Variants in NBEAL2 observed in about 807,000 individuals in gnomAD.
NBEAL2 encodes neurobeachin like 2.
NBEAL2 carries 160 observed loss-of-function variants against 299.8 expected under a neutral mutation model. The observed-to-expected ratio is 0.53, with a 90% CI of 0.47 to 0.61. NBEAL2 has a LOEUF of 0.61. Ranked by LOEUF, NBEAL2 falls within the 20% of genes least tolerant of loss-of-function variation. The pLI, the probability that NBEAL2 is intolerant of heterozygous loss-of-function variation, is 0.00. For missense variants in NBEAL2, 3,112 were observed against 3,649.0 expected, an observed-to-expected ratio of 0.85 and a Z score of 3.79; for synonymous variants, 1,493 against 1,542.3, an observed-to-expected ratio of 0.97 and a Z score of 0.75.
chr3:47,008,733 C>T (rs2107462333), intron 52 of NBEAL2, 65 bp downstream of exon 52: 1 of 1,594,320 alleles, frequency 6.3e-7, no homozygotes, highest in East Asian at 2.2e-5. Flanking sequence ...GGATAAAGGC[C>T]CTAGGAACCC....
intron 50 of NBEAL2, 23 bp from the exon 51 acceptor site, chr3:47,008,260 G>A: frequency 6.2e-7 from 1 of 1,613,082 alleles, no homozygotes. Context: ...TCCTGCCCAG[G>A]ACCCTAAGTT....
chr3:47,001,847 G>C lies in NBEAL2; in HGVS notation c.4782+21G>C, dbSNP rs1444740157. On this transcript the variant is annotated intron_variant, in intron 30 of 53. Coordinates refer to ENST00000450053, the MANE Select transcript of NBEAL2 (RefSeq NM_015175.3). This position sits in a 1 kb window ranked among gnomAD's most constrained non-coding sequence, Gnocchi z 6.1. ...CACAGGTGAGCACAGGGTGAGCATG[G>C]GGGCAGGGGGCGTGTGAGATGTCGG... The C allele has an allele frequency of 1.2e-6, 2 of 1,612,358 alleles. No individual in the cohort carries two copies. Among genetic ancestry groups the C allele is most frequent in the Non-Finnish European group, 1.7e-6 (2 of 1,178,882 alleles).
intron 25 of NBEAL2, 24 bp downstream of exon 25, chr3:46,999,498 G>A: frequency 6.3e-7 from 1 of 1,581,166 alleles, no homozygotes; most frequent in Middle Eastern, 1.7e-4. Flanking sequence ...AAGGCCAAGT[G>A]GAGGGGGTGA....
Position 46,991,422 on chromosome 3 carries a change from C to T in NBEAL2, c.659C>T (p.Ala220Val), listed in dbSNP as rs763044738. 3.1e-6 allele frequency: 5 copies of T among 1,606,990 alleles called. No individual in the cohort carries two copies. Among genetic ancestry groups the T allele is most frequent in the Non-Finnish European group, 4.3e-6 (5 of 1,175,764 alleles). Residue 220 changes from alanine (A) to valine (V), a missense_variant, in exon 8 of 54, where the codon GCT (alanine) becomes GTT (valine). By Grantham distance (64) the Ala-to-Val change is moderately conservative (BLOSUM62 0). Coordinates refer to ENST00000450053, the MANE Select transcript of NBEAL2 (RefSeq NM_015175.3). This position sits in a 1 kb window ranked among gnomAD's most constrained non-coding sequence, Gnocchi z 6.2. ...CACCTGCAGGAGAACGGGCAGATGG[C>T]TGTAAGTGATGGCTCTGTGAAGGGC... ...LAGGKENGQMAVSDGSVKGLL... is the reference protein window; with the variant it reads ...LAGGKENGQMVVSDGSVKGLL...
chr3:47,003,933 A>T lies in NBEAL2; in HGVS notation c.5838A>T (p.Val1946=). 6.2e-7 allele frequency: 1 copy of T among 1,613,702 alleles called. No individual in the cohort carries two copies. The highest frequency in any genetic ancestry group is 8.5e-7 in the Non-Finnish European group (1 of 1,179,750). ...PGLLEVTTQN[V]YFYDGSTERV... Reference sequence around the variant, plus strand: ...TGCTGGAGGTCACCACACAGAATGTATACTTCTACGATGGCAGCACTGAGC... The same window carrying T: ...TGCTGGAGGTCACCACACAGAATGTTTACTTCTACGATGGCAGCACTGAGC... The change falls in exon 36 of 54, where the codon GTA becomes GTT. Residue 1946 remains valine, a synonymous_variant. Transcript: ENST00000450053. The surrounding 1 kb of genome is among the most constrained non-coding windows in gnomAD (Gnocchi z 7.0).
Position 46,992,466 on chromosome 3 carries a change from TC to T in NBEAL2, c.1033-5del. 2 of 1,603,086 alleles carry T rather than the reference TC, an allele frequency of 1.2e-6. No homozygotes were observed. Among genetic ancestry groups the T allele is most frequent in the Non-Finnish European group, 1.7e-6 (2 of 1,175,282 alleles). ...CTCCTCCACCCTGTGCCTCCCCACTTCCCCACAGCTGTACCTGCAGTCCCGG... is the reference window on the plus strand; with the variant it reads ...CTCCTCCACCCTGTGCCTCCCCACTTCCCACAGCTGTACCTGCAGTCCCGG... On this transcript the variant is annotated splice_region_variant and splice_polypyrimidine_tract_variant and intron_variant, in intron 9 of 53. Coordinates refer to ENST00000450053, the MANE Select transcript of NBEAL2 (RefSeq NM_015175.3).
chr3:46,994,870 C>T (rs2036365888), intron 12 of NBEAL2, among the ~76,000 whole-genome samples, 162 bp from the exon 13 acceptor site: 1 of 152,256 alleles, frequency 6.6e-6, no homozygotes, highest in African/African-American at 2.4e-5. Context: ...TGACTGTCAT[C>T]TGTGCCCCTC....
intron 1 of NBEAL2, among the ~76,000 whole-genome samples, chr3:46,981,301 G>A (rs1359907374): frequency 6.6e-6 from 1 of 152,156 alleles, no homozygotes; most frequent in East Asian, 1.9e-4. Flanking sequence ...AATTAGCCGG[G>A]CGTGGTGGGG....
At chr3:46,987,592 G>T (rs2035754065) in intron 1 of NBEAL2, among the ~76,000 whole-genome samples, 1 of 152,220 alleles carries the variant, frequency 6.6e-6, no homozygotes, top group African/African-American at 2.4e-5. Context: ...ATGGCGGGCG[G>T]CGGGGCGGGA....
At chr3:46,996,909 C>T (rs778735703) in intron 17 of NBEAL2, 45 bp from the exon 18 acceptor site, 7 of 1,609,562 alleles carry the variant, frequency 4.3e-6, no homozygotes, top group Non-Finnish European at 5.9e-6. Context: ...CTGCCACCCC[C>T]TCCTCCCTCT....
At chr3:47,006,936 C>A (rs189360313) in intron 45 of NBEAL2, 130 bp from the exon 46 acceptor site, 5 of 722,232 alleles carry the variant, frequency 6.9e-6, no homozygotes, top group East Asian at 2.7e-5. Flanking sequence ...TTGGAGGGAA[C>A]CTCTGCATCT....
intron 22 of NBEAL2, 61 bp from the exon 23 acceptor site, chr3:46,998,656 G>C (rs977619444): frequency 5.8e-6 from 9 of 1,553,900 alleles, no homozygotes; most frequent in Non-Finnish European, 6.1e-6. Context: ...TGACTCACCT[G>C]CCCACCCTCT....
Position 46,997,714 on chromosome 3 carries a change from G to A in NBEAL2, c.2958+20G>A, listed in dbSNP as rs761013434. ...CGAAAGGTGGGGCCCGGTGGGACAGGCATGGGGGTTAGGGGTATGGTCAGC... is the reference window on the plus strand; with the variant it reads ...CGAAAGGTGGGGCCCGGTGGGACAGACATGGGGGTTAGGGGTATGGTCAGC... On this transcript the variant is annotated intron_variant, in intron 20 of 53. Coordinates refer to ENST00000450053, the MANE Select transcript of NBEAL2 (RefSeq NM_015175.3). 1 of 1,489,814 alleles carries A rather than the reference G, an allele frequency of 6.7e-7. No individual in the cohort carries two copies. The highest frequency in any genetic ancestry group is 2.4e-5 in the Admixed American group (1 of 41,812). 92.3% of individuals were successfully genotyped at this position (1,489,814 alleles called of 1,614,324 possible).
intron 23 of NBEAL2, 32 bp from the exon 24 acceptor site, chr3:46,998,927 G>A (rs1159356435): frequency 6.3e-7 from 1 of 1,598,968 alleles, no homozygotes; most frequent in South Asian, 1.1e-5. Flanking sequence ...GGGAGTGGGG[G>A]CCCGACACAG....
intron 24 of NBEAL2, 74 bp from the exon 25 acceptor site, chr3:46,999,241 C>T: frequency 6.4e-7 from 1 of 1,553,280 alleles, no homozygotes; most frequent in Non-Finnish European, 8.7e-7. Flanking sequence ...TTGAGCCACA[C>T]ACCTGCACGG....
In NBEAL2 at chr3:46,982,674, A is replaced by G. The variant is rs1035860451; in HGVS notation, c.51+2762A>G. Among the ~76,000 whole-genome samples, 2 of 152,332 alleles carry G rather than the reference A, an allele frequency of 1.3e-5. No homozygotes were observed. The highest frequency in any genetic ancestry group is 1.3e-4 in the Admixed American group (2 of 15,310). On this transcript the variant is annotated intron_variant, in intron 1 of 53. Transcript: ENST00000450053. This position sits in a 1 kb window ranked among gnomAD's most constrained non-coding sequence, Gnocchi z 4.2. ...TGACTGGATAGAGGAGGTGGGTCCC[A>G]TGGCAGTGACCAGTCAGGAAGTCAC...
chr3:47,000,804 C>A lies in NBEAL2; in HGVS notation c.4306-197C>A, dbSNP rs2107391780. On this transcript the variant is annotated intron_variant, in intron 27 of 53. Transcript: ENST00000450053. This position sits in a 1 kb window ranked among gnomAD's most constrained non-coding sequence, Gnocchi z 4.5. ...AGTCTGGCAAGACCCCAGGATTCTG[C>A]CTGGAACTCAGGTAGTAGTTGAGAC... 1.2e-6 allele frequency: 1 copy of A among 801,226 alleles called. No individual in the cohort carries two copies. The highest frequency in any genetic ancestry group is 1.9e-6 in the Non-Finnish European group (1 of 517,184). 49.6% of individuals were successfully genotyped at this position (801,226 alleles called of 1,614,324 possible). A position where few individuals can be genotyped will look rare whatever the true frequency, so the allele number is the denominator to read the frequency against.
intron 31 of NBEAL2, 23 bp downstream of exon 31, chr3:47,002,311 G>A: frequency 1.3e-6 from 2 of 1,591,864 alleles, no homozygotes; most frequent in Admixed American, 1.7e-5. Flanking sequence ...TGGGGCCCAG[G>A]AAGAGGAGTG....
chr3:46,981,965 G>A (rs1434339136), intron 1 of NBEAL2: 2 of 152,342 alleles, frequency 1.3e-5, no homozygotes, highest in Non-Finnish European at 2.9e-5. Flanking sequence ...AGGCTGGCAG[G>A]TTGTAGCTTT....
Sources: allele counts gnomAD v4.1 joint callset (sites outside exome capture counted in the v4.1 genomes callset), GRCh38; gene constraint gnomAD v4.1.1; non-coding constraint Gnocchi (gnomAD v3.1); transcripts MANE v1.5; gene names NCBI Gene and HGNC (gene_info 2026-07-23, HGNC 2026-07-21).